The following CCDC91 variants were observed in gnomAD, a reference collection of about 807,000 sequenced individuals.
CCDC91 encodes the protein coiled-coil domain-containing protein 91.
CCDC91 carries 48 observed loss-of-function variants against 63.2 expected under a neutral mutation model. The observed-to-expected ratio is 0.76, with a 90% CI of 0.60 to 0.97. The LOEUF (loss-of-function observed/expected upper bound fraction) is 0.97. CCDC91 is among the 50% of genes least tolerant of loss of function. CCDC91 has a pLI of 0.00. For missense variants in CCDC91, 500 were observed against 494.6 expected (o/e 1.01, Z -0.10); for synonymous variants, 167 against 165.8 (o/e 1.01, Z -0.06).
At chr12:28,369,127 C>A (rs1343956327) in intron 7 of CCDC91, among the ~76,000 whole-genome samples, 2 of 152,170 alleles carry the variant, frequency 1.3e-5, no homozygotes, top group Admixed American at 6.5e-5. Flanking sequence ...TACCTCATTG[C>A]AGTATTAACC....
chr12:28,452,843 C>G, intron 11 of CCDC91, among the ~76,000 whole-genome samples, 189 bp downstream of exon 11: 1 of 151,522 alleles, frequency 6.6e-6, no homozygotes, highest in South Asian at 2.1e-4. Context: ...GTGCTTTCAT[C>G]TTTCTGATAT....
intron 1 of CCDC91, among the ~76,000 whole-genome samples, chr12:28,202,721 C>T (rs11609999): frequency 0.26 from 39,633 of 152,024 alleles, 5,411 homozygotes; most frequent in Non-Finnish European, 0.31. Flanking sequence ...GCTTAGGTCA[C>T]CTTTTCAATT....
At chr12:28,250,223 T>C (rs1592105625) in intron 1 of CCDC91, among the ~76,000 whole-genome samples, 1 of 152,168 alleles carries the variant, frequency 6.6e-6, no homozygotes, top group South Asian at 2.1e-4. Flanking sequence ...GTTTTCTGAA[T>C]GAAGGTTGGT....
At chr12:28,313,833 T>G (rs746199660) in intron 6 of CCDC91, among the ~76,000 whole-genome samples, 11 of 152,030 alleles carry the variant, frequency 7.2e-5, no homozygotes, top group Non-Finnish European at 1.6e-4. Flanking sequence ...TTCACAAAAC[T>G]TGAATAGAGA....
At chr12:28,355,968 A>G (rs1337624358) in intron 6 of CCDC91, among the ~76,000 whole-genome samples, 1 of 152,116 alleles carries the variant, frequency 6.6e-6, no homozygotes, top group Non-Finnish European at 1.5e-5. Flanking sequence ...CCTATGGCAA[A>G]ATTCTTTATT....
At position 28,512,012 on chromosome 12, in the gene CCDC91, T is replaced by C. The variant is rs74072649; in HGVS notation, c.1215+27847T>C. On this transcript the variant is annotated intron_variant, in intron 12 of 12. Transcript: ENST00000536442. ...ATCTCATTAAAAACACACATGTATA[T>C]GACTAGATGGATTTTGGGACTTACC... is the stretch of plus-strand genomic sequence containing the variant. Among the ~76,000 whole-genome samples, 1,227 of 152,026 alleles carry C rather than the reference T, an allele frequency of 8.1e-3. 18 individuals carry two copies. Among genetic ancestry groups the C allele is most frequent in the African/African-American group, 0.028 (1,152 of 41,528 alleles).
chr12:28,225,146 C>T (rs528093539), intron 1 of CCDC91, among the ~76,000 whole-genome samples: 3 of 152,102 alleles, frequency 2.0e-5, no homozygotes, highest in Non-Finnish European at 4.4e-5. Flanking sequence ...GTGTAAGATA[C>T]AAGATTCTGC....
At chr12:28,365,431 A>G (rs1198706347) in intron 7 of CCDC91, among the ~76,000 whole-genome samples, 1 of 152,218 alleles carries the variant, frequency 6.6e-6, no homozygotes, top group African/African-American at 2.4e-5. Flanking sequence ...CACACTCACA[A>G]TAACAAGAAA....
At chr12:28,304,683 G>T in intron 3 of CCDC91, 1 of 1,272,724 alleles carries the variant, frequency 7.9e-7, no homozygotes. Flanking sequence ...GAACTTCACT[G>T]AAGTTGCTGA....
At chr12:28,468,982 TACTG>T (rs1950675730) in intron 11 of CCDC91, among the ~76,000 whole-genome samples, 2 of 152,006 alleles carry the variant, frequency 1.3e-5, no homozygotes, top group African/African-American at 2.4e-5. Context: ...GTGGGTATCA[TACTG>T]AATGGGGAAA....
At chr12:28,357,000 G>T (rs61920564) in intron 6 of CCDC91, among the ~76,000 whole-genome samples, 30,720 of 152,126 alleles carry the variant, frequency 0.2, 4,073 homozygotes, top group Non-Finnish European at 0.3. Flanking sequence ...TGCTATGCAT[G>T]AATTAATTTC....
chr12:28,539,467 T>C (rs1369327406), intron 12 of CCDC91, among the ~76,000 whole-genome samples: 1 of 152,180 alleles, frequency 6.6e-6, no homozygotes. Context: ...TTGGTCTATA[T>C]CTCTGTTTTG....
chr12:28,248,690 TATAAC>T (rs1341948308), intron 1 of CCDC91, among the ~76,000 whole-genome samples: 1 of 152,232 alleles, frequency 6.6e-6, no homozygotes, highest in African/African-American at 2.4e-5. Flanking sequence ...AGGCATGAGA[TATAAC>T]AATAGTGTCT....
chr12:28,451,821 T>G (rs572988960), intron 10 of CCDC91, among the ~76,000 whole-genome samples: 1 of 151,756 alleles, frequency 6.6e-6, no homozygotes, highest in South Asian at 2.1e-4. Context: ...ATCAAGAATA[T>G]CCACAATTAT....
At chr12:28,407,198 T>A (rs1315995152) in intron 8 of CCDC91, among the ~76,000 whole-genome samples, 3 of 152,164 alleles carry the variant, frequency 2.0e-5, no homozygotes, top group Non-Finnish European at 4.4e-5. Context: ...AGGAGATGCT[T>A]CTGTGTTTTC....
intron 1 of CCDC91, among the ~76,000 whole-genome samples, chr12:28,211,234 G>T (rs73082002): frequency 0.012 from 1,761 of 151,866 alleles, 8 homozygotes; most frequent in Middle Eastern, 0.02. Flanking sequence ...AATCTGAGTG[G>T]TAAGAAATTC....
chr12:28,307,384 T>C (rs1384339290), intron 5 of CCDC91, among the ~76,000 whole-genome samples: 1 of 151,890 alleles, frequency 6.6e-6, no homozygotes, highest in Admixed American at 6.6e-5. Context: ...TTATAGAAAG[T>C]GTATGTAGAG....
At chr12:28,215,771 T>G (rs1433325543) in intron 1 of CCDC91, among the ~76,000 whole-genome samples, 1 of 152,118 alleles carries the variant, frequency 6.6e-6, no homozygotes, top group African/African-American at 2.4e-5. Flanking sequence ...ATATGAACAT[T>G]TAACAAAAGT....
At chr12:28,332,760 A>G (rs61920563) in intron 6 of CCDC91, among the ~76,000 whole-genome samples, 21,802 of 152,030 alleles carry the variant, frequency 0.14, 2,066 homozygotes, top group Non-Finnish European at 0.22. Flanking sequence ...TTCTGTGGAA[A>G]TCCCCTTATT....
Sources: gnomAD v4.1 joint callset for allele counts (sites outside exome capture counted in the v4.1 genomes callset) on GRCh38, gnomAD v4.1.1 for gene constraint, MANE v1.5 for transcripts, NCBI Gene and HGNC (gene_info 2026-07-23, HGNC 2026-07-21) for gene names.